LCOR: variants seen among roughly 807,000 people sequenced by gnomAD.
The protein encoded by LCOR is ligand dependent nuclear receptor corepressor.
LCOR carries 14 observed loss-of-function variants against 64.4 expected under a neutral mutation model. The ratio of observed to expected loss-of-function variants is 0.22; its 90% CI spans 0.14 to 0.34. The LOEUF is 0.34. LCOR is among the 10% of genes least tolerant of loss of function. LCOR has a pLI of 1.00. For missense variants in LCOR, 1,686 were observed against 1,765.3 expected (o/e 0.96, Z 0.80); for synonymous variants, 643 against 642.5 (o/e 1.00, Z -0.01).
intron 7 of LCOR, chr10:96,962,464 GTTT>G (rs1847896508): frequency 6.6e-6 from 1 of 152,034 alleles, no homozygotes; most frequent in African/African-American, 2.4e-5. Flanking sequence ...GGATCTTAAT[GTTT>G]TTAAGTTGTG....
rs187914909 is a variant in LCOR at position 96,982,864 on chromosome 10, A to G, written c.2404A>G (p.Lys802Glu). ...TGACTCACTCGAAGAGAATTTGGACAAGAAGAAAAAAGGTAAAAAATTCCC... is the reference window on the plus strand; with the variant it reads ...TGACTCACTCGAAGAGAATTTGGACGAGAAGAAAAAAGGTAAAAAATTCCC... ...SIDSLEENLDKKKKGKKFPEA... is the reference protein window; with the variant it reads ...SIDSLEENLDEKKKGKKFPEA... Residue 802 changes from lysine (K) to glutamate (E), a missense_variant, in exon 8 of 8, where the codon AAG becomes GAG. Around this residue, in one of 3 missense-constraint regions of LCOR, gnomAD observed 1,293 missense variants for 1,410.4 expected, o/e 0.92. Coordinates refer to ENST00000421806, the MANE Select transcript of LCOR (RefSeq NM_001346516.2). 1.9e-6 allele frequency: 3 copies of G among 1,614,000 alleles called. No individual in the cohort carries two copies. The highest frequency in any genetic ancestry group is 3.3e-5 in the Admixed American group (2 of 60,006).
chr10:96,875,180 C>A (rs969137482), intron 2 of LCOR, among the ~76,000 whole-genome samples: 2 of 151,578 alleles, frequency 1.3e-5, no homozygotes, highest in Non-Finnish European at 2.9e-5. Flanking sequence ...GTTAGGAGAT[C>A]GAGACCATCC....
chr10:96,916,621 A>G lies in LCOR; in HGVS notation c.-184+8874A>G, dbSNP rs1394240020. On this transcript the variant is annotated intron_variant, in intron 4 of 7. Coordinates refer to ENST00000421806, the MANE Select transcript of LCOR (RefSeq NM_001346516.2). ...TATATATATATCTATATATATGATT[A>G]TTTATTTTTTTGAGACGGAGTCTTG... is the stretch of plus-strand genomic sequence containing the variant. Among the ~76,000 whole-genome samples the G allele has an allele frequency of 3.3e-5, 5 of 150,184 alleles. No homozygotes were observed. In the South Asian group the frequency reaches 1.1e-3, roughly 32 times the overall value.
chr10:96,887,286 G>A (rs1008778267), intron 2 of LCOR, among the ~76,000 whole-genome samples: 3 of 152,100 alleles, frequency 2.0e-5, no homozygotes, highest in Non-Finnish European at 4.4e-5. Context: ...ATACTACTTT[G>A]GCCGGGCATG....
At chr10:96,973,910 AC>A (rs1285509671) in intron 7 of LCOR, among the ~76,000 whole-genome samples, 1 of 152,114 alleles carries the variant, frequency 6.6e-6, no homozygotes. Context: ...TTGTCACTTC[AC>A]CTCCATGCCA....
rs530663957 is a variant in LCOR at position 96,952,202 on chromosome 10, G to C, written c.332+6G>C. ...TCCAGTACTCAAGGGAACGGGTAAG[G>C]GAGAATATTTGTAGCCTTACACAGT... is the stretch of plus-strand genomic sequence containing the variant. On this transcript the variant is annotated splice_donor_region_variant and intron_variant, in intron 7 of 7. Transcript: ENST00000421806. The C allele has an allele frequency of 6.3e-7, 1 of 1,596,214 alleles. No homozygotes were observed. The highest frequency in any genetic ancestry group is 1.3e-5 in the African/African-American group (1 of 74,592).
intron 2 of LCOR, among the ~76,000 whole-genome samples, chr10:96,903,712 G>A (rs907855278): frequency 1.8e-4 from 28 of 151,884 alleles, no homozygotes; most frequent in Non-Finnish European, 2.2e-4. Context: ...CCCCCTTTTC[G>A]TTGGAAATGG....
chr10:96,863,044 G>A (rs1276638156), intron 2 of LCOR, among the ~76,000 whole-genome samples: 1 of 149,208 alleles, frequency 6.7e-6, no homozygotes. Flanking sequence ...CCACATGCCC[G>A]GCTAATTTTT....
intron 2 of LCOR, among the ~76,000 whole-genome samples, chr10:96,836,229 AG>A: frequency 1.3e-5 from 2 of 152,156 alleles, no homozygotes. Flanking sequence ...GGTGCTACAC[AG>A]GGGGGCCTGG....
At chr10:96,906,252 T>TA (rs1846726006) in intron 2 of LCOR, among the ~76,000 whole-genome samples, 1 of 152,236 alleles carries the variant, frequency 6.6e-6, no homozygotes, top group African/African-American at 2.4e-5. Context: ...GCAGTAATCC[T>TA]ATGCCTTTGA....
intron 4 of LCOR, among the ~76,000 whole-genome samples, chr10:96,931,346 G>C (rs1564629581): frequency 1.3e-5 from 2 of 151,436 alleles, no homozygotes; most frequent in African/African-American, 4.9e-5. Context: ...TGATTCTTCT[G>C]CATCAGCTTC....
At chr10:96,932,516 T>C (rs1847278505) in intron 4 of LCOR, among the ~76,000 whole-genome samples, 2 of 152,290 alleles carry the variant, frequency 1.3e-5, no homozygotes, top group African/African-American at 4.8e-5. Context: ...CAGGCTGGAG[T>C]GCAGTGGTGC....
At chr10:96,855,989 C>T (rs761796149) in intron 2 of LCOR, among the ~76,000 whole-genome samples, 2 of 152,204 alleles carry the variant, frequency 1.3e-5, no homozygotes, top group Non-Finnish European at 2.9e-5. Context: ...GGTGATCCGC[C>T]TGCCTCAGCC....
chr10:96,938,312 A>T (rs765892610), intron 4 of LCOR, among the ~76,000 whole-genome samples: 2 of 152,198 alleles, frequency 1.3e-5, no homozygotes, highest in Non-Finnish European at 2.9e-5. Flanking sequence ...AGACCACATG[A>T]TCATCTCCGT....
At chr10:96,923,845 C>T (rs1847122356) in intron 4 of LCOR, among the ~76,000 whole-genome samples, 1 of 152,194 alleles carries the variant, frequency 6.6e-6, no homozygotes, top group Non-Finnish European at 1.5e-5. Flanking sequence ...CTAAATCTAG[C>T]CCACAGGCTG....
intron 2 of LCOR, among the ~76,000 whole-genome samples, chr10:96,843,265 G>A (rs1303170432): frequency 6.6e-6 from 1 of 151,978 alleles, no homozygotes; most frequent in African/African-American, 2.4e-5. Flanking sequence ...ATCTGGGAAT[G>A]CAGCATGTTT....
chr10:96,964,450 T>C lies in LCOR; in HGVS notation c.332+12254T>C, dbSNP rs1847928168. 3.3e-5 allele frequency: 5 copies of C among 152,258 alleles called. No individual in the cohort carries two copies. In the South Asian group the frequency reaches 1.0e-3, roughly 32 times the overall value. 9.4% of individuals were successfully genotyped at this position (152,258 alleles called of 1,614,324 possible). On this transcript the variant is annotated intron_variant, in intron 7 of 7. Coordinates refer to ENST00000421806, the MANE Select transcript of LCOR (RefSeq NM_001346516.2). Reference sequence around the variant, plus strand: ...TGTTGTGAAAAACTGTTTTTAAAGCTTGGTTTCTACTTCCTAAGATTTTAA... The same window carrying C: ...TGTTGTGAAAAACTGTTTTTAAAGCCTGGTTTCTACTTCCTAAGATTTTAA...
At chr10:96,905,229 T>TTGCTATATTTACTTTTTTCC (rs1453692675) in intron 2 of LCOR, among the ~76,000 whole-genome samples, 1 of 152,184 alleles carries the variant, frequency 6.6e-6, no homozygotes, top group Non-Finnish European at 1.5e-5. Context: ...GCATTATTTC[T>TTGCTATATTTACTTTTTTCC]TGCTATATTT....
At chr10:96,895,871 C>T (rs974166659) in intron 2 of LCOR, among the ~76,000 whole-genome samples, 2 of 152,138 alleles carry the variant, frequency 1.3e-5, no homozygotes, top group Non-Finnish European at 2.9e-5. Flanking sequence ...TCGCTTGAGA[C>T]CAGGAGTTTG....
Sources: allele counts gnomAD v4.1 joint callset (sites outside exome capture counted in the v4.1 genomes callset), GRCh38; gene constraint gnomAD v4.1.1; regional missense constraint gnomAD v4.1.1; transcripts MANE v1.5; gene names NCBI Gene and HGNC (gene_info 2026-07-23, HGNC 2026-07-21).